Variants in SDF2 observed in about 807,000 individuals in gnomAD.
SDF2 encodes the protein stromal cell derived factor 2.
In SDF2, 12 loss-of-function variants were observed where a neutral mutation model predicts 20.5. The observed-to-expected ratio is 0.58, with a 90% CI of 0.37 to 0.95. The LOEUF is 0.95. Among genes scored for constraint, SDF2 ranks in the 40% least tolerant of loss-of-function variants. The pLI, the probability that SDF2 is intolerant of heterozygous loss-of-function variation, is 0.01. For synonymous variants in SDF2, 100 were observed against 101.0 expected (o/e 0.99, Z 0.06); for missense variants, 238 against 263.1 (o/e 0.90, Z 0.66).
chr17:28,652,791 T>C (rs947017955), intron 2 of SDF2, among the ~76,000 whole-genome samples: 2 of 152,184 alleles, frequency 1.3e-5, no homozygotes, highest in African/African-American at 4.8e-5. Context: ...GGAGCATCTT[T>C]TGGTGCCAGA....
In SDF2 at chr17:28,655,344, G is replaced by A. The variant is rs1249217531; in HGVS notation, c.291C>T (p.Val97=). The change falls in exon 2 of 3, where the codon GTC becomes GTT. Residue 97 remains valine (V), a synonymous_variant. Coordinates refer to ENST00000247020, the MANE Select transcript of SDF2 (RefSeq NM_006923.4). ...KCGQPIRLTH[V]NTGRNLHSHH... ...GACTATGGAGGTTTCGGCCAGTGTT[G>A]ACATGTGTCAGCCGGATGGGCTGGC... 1.9e-6 allele frequency: 3 copies of A among 1,614,142 alleles called. No individual in the cohort carries two copies. The highest frequency in any genetic ancestry group is 2.5e-6 in the Non-Finnish European group (3 of 1,180,056).
Position 28,655,483 on chromosome 17 carries a change from C to A in SDF2, c.152G>T (p.Gly51Val), listed in dbSNP as rs2151582820. 6.3e-7 allele frequency: 1 copy of A among 1,582,146 alleles called. No individual in the cohort carries two copies. The highest frequency in any genetic ancestry group is 8.6e-7 in the Non-Finnish European group (1 of 1,164,088). Reference protein sequence around the residue: ...LHSHDVRYGSGSGQQSVTGVT... With the variant: ...LHSHDVRYGSVSGQQSVTGVT... ...ACCTGTCACTGACTGCTGCCCACTACCTGCAGTTAAGAAAAGAAAGGCAAC... is the reference window on the plus strand; with the variant it reads ...ACCTGTCACTGACTGCTGCCCACTAACTGCAGTTAAGAAAAGAAAGGCAAC... The change falls in exon 2 of 3, where the codon GGT becomes GTT. Residue 51 changes from glycine to valine, a missense_variant and splice_region_variant. By Grantham distance (109) the Gly-to-Val change is moderately radical. Transcript: ENST00000247020.
chr17:28,652,379 C>G (rs181580186), intron 2 of SDF2, among the ~76,000 whole-genome samples: 3 of 151,990 alleles, frequency 2.0e-5, no homozygotes, highest in African/African-American at 4.8e-5. Flanking sequence ...GGTGCAATCT[C>G]GGCTCACTGC....
chr17:28,653,286 G>A (rs2071929832), intron 2 of SDF2, among the ~76,000 whole-genome samples: 1 of 152,140 alleles, frequency 6.6e-6, no homozygotes, highest in Non-Finnish European at 1.5e-5. Context: ...GATACAAATG[G>A]CACTTTACCT....
intron 2 of SDF2, among the ~76,000 whole-genome samples, chr17:28,650,555 G>A (rs1274364114): frequency 1.3e-5 from 2 of 151,522 alleles, no homozygotes; most frequent in African/African-American, 4.8e-5. Context: ...GGAGGGCGAG[G>A]CGGGCAGATC....
At position 28,661,798 on chromosome 17, in the gene SDF2, C is replaced by T; in HGVS notation, c.79G>A (p.Gly27Ser). Residue 27 changes from glycine (G) to serine (S), a missense_variant, in exon 1 of 3, where the codon GGC becomes AGC. Gly to Ser is a moderately conservative substitution (Grantham distance 56). Transcript: ENST00000247020. ...GASSLGVVTCGSVVKLLNTRH... is the reference protein window; with the variant it reads ...GASSLGVVTCSSVVKLLNTRH... ...GTATTGAGTAGCTTCACCACGGAGC[C>T]GCAAGTAACGACACCCAGGCTGGAC... The T allele has an allele frequency of 6.2e-7, 1 of 1,614,100 alleles. No homozygotes were observed. The highest frequency in any genetic ancestry group is 8.5e-7 in the Non-Finnish European group (1 of 1,180,012).
At position 28,657,404 on chromosome 17, in the gene SDF2, A is replaced by AT. The variant is rs112350318; in HGVS notation, c.152-1922dup. Among the ~76,000 whole-genome samples the AT allele has an allele frequency of 3.4e-3, 497 of 146,310 alleles. 3 individuals are homozygous for AT. The highest frequency in any genetic ancestry group is 7.8e-3 in the African/African-American group (313 of 40,068). ...TCTAAACGTACATATATATATATGT[A>AT]TTTTTTTTTTTTGATACAGGATCCC... is the stretch of plus-strand genomic sequence containing the variant. On this transcript the variant is annotated intron_variant, in intron 1 of 2. Transcript: ENST00000247020.
intron 2 of SDF2, among the ~76,000 whole-genome samples, chr17:28,649,983 G>A (rs1046647163): frequency 3.3e-5 from 5 of 151,030 alleles, no homozygotes; most frequent in South Asian, 2.1e-4. Context: ...ACAGAGTATC[G>A]CTCTTGTTGC....
At chr17:28,650,390 A>G (rs1026784256) in intron 2 of SDF2, among the ~76,000 whole-genome samples, 2 of 152,228 alleles carry the variant, frequency 1.3e-5, no homozygotes, top group Non-Finnish European at 2.9e-5. Context: ...AGGAAAAAAA[A>G]AAGATTATGG....
At chr17:28,654,776 C>G (rs1384344640) in intron 2 of SDF2, among the ~76,000 whole-genome samples, 2 of 151,658 alleles carry the variant, frequency 1.3e-5, no homozygotes, top group Admixed American at 6.6e-5. Flanking sequence ...ACAGTGAAAC[C>G]CCATCTCTAC....
rs1353487247 is a variant in SDF2 at position 28,661,845 on chromosome 17, C to T, written c.32G>A (p.Gly11Asp). 1.2e-6 allele frequency: 2 copies of T among 1,613,670 alleles called. No homozygotes were observed. The highest frequency in any genetic ancestry group is 1.7e-5 in the Admixed American group (1 of 59,988). Residue 11 changes from glycine (G) to aspartate (D), a missense_variant, in exon 1 of 3, where the codon GGT becomes GAT. By Grantham distance (94) the Gly-to-Asp change is moderately conservative (BLOSUM62 -1). Coordinates refer to ENST00000247020, the MANE Select transcript of SDF2 (RefSeq NM_006923.4). MAVVPLLLLG[G>D]LWSAVGASSL... is the part of the protein sequence containing the mutation. ...GGACGCTCCCACAGCGCTCCACAAA[C>T]CCCCCAACAACAGCAGAGGTACTAC...
chr17:28,661,280 A>G, intron 1 of SDF2: 1 of 411,502 alleles, frequency 2.4e-6, no homozygotes, highest in South Asian at 1.7e-5. Context: ...TTTCACAGAC[A>G]GTACTTACTG....
upstream of SDF2, chr17:28,662,017 T>G: frequency 2.1e-6 from 2 of 972,944 alleles, no homozygotes; most frequent in Non-Finnish European, 3.0e-6. Context: ...TAGAGCGGCC[T>G]GAGAAACCGG....
intron 2 of SDF2, among the ~76,000 whole-genome samples, chr17:28,654,255 CA>C (rs1024519910): frequency 6.6e-6 from 1 of 151,832 alleles, no homozygotes; most frequent in Non-Finnish European, 1.5e-5. Flanking sequence ...TGAGCAAGAT[CA>C]CACTACAACC....
chr17:28,659,594 C>G (rs191107175), intron 1 of SDF2, among the ~76,000 whole-genome samples: 9 of 149,084 alleles, frequency 6.0e-5, no homozygotes, highest in African/African-American at 2.0e-4. Flanking sequence ...GCGCTCCTCA[C>G]TTCCCAGACG....
chr17:28,661,431 G>GTTTCCTCTGTTTTCTCTGTTT (rs1461754000), intron 1 of SDF2, among the ~76,000 whole-genome samples: 12 of 152,288 alleles, frequency 7.9e-5, no homozygotes, highest in African/African-American at 2.9e-4. Flanking sequence ...TAATTTCTCT[G>GTTTCCTCTGTTTTCTCTGTTT]CGTCTGTTTC....
At chr17:28,653,684 C>T (rs534132292) in intron 2 of SDF2, among the ~76,000 whole-genome samples, 2 of 152,154 alleles carry the variant, frequency 1.3e-5, no homozygotes, top group South Asian at 4.2e-4. Context: ...TGGTGGCAGG[C>T]ACCTGTAATC....
chr17:28,660,746 A>C (rs1330572966), intron 1 of SDF2: 1 of 157,018 alleles, frequency 6.4e-6, no homozygotes, highest in African/African-American at 2.4e-5. Flanking sequence ...GGTTTTGGGA[A>C]TCATGAACCA....
Position 28,658,774 on chromosome 17 carries a change from C to T in SDF2, c.151+2952G>A, listed in dbSNP as rs563487725. Among the ~76,000 whole-genome samples, 317 of 152,146 alleles carry T rather than the reference C, an allele frequency of 2.1e-3. 1 individual carries two copies. Among genetic ancestry groups the T allele is most frequent in the Middle Eastern group, 0.014 (4 of 294 alleles). Reference sequence around the variant, plus strand: ...CCATTCTCGATGGTCGCTGTCTCTTCGGTGCTGTTGGGTACACCTGCAGAA... The same window carrying T: ...CCATTCTCGATGGTCGCTGTCTCTTTGGTGCTGTTGGGTACACCTGCAGAA... On this transcript the variant is annotated intron_variant, in intron 1 of 2. Coordinates refer to ENST00000247020, the MANE Select transcript of SDF2 (RefSeq NM_006923.4).
Sources: gnomAD v4.1 joint callset for allele counts (sites outside exome capture counted in the v4.1 genomes callset) on GRCh38, gnomAD v4.1.1 for gene constraint, MANE v1.5 for transcripts, NCBI Gene and HGNC (gene_info 2026-07-23, HGNC 2026-07-21) for gene names.